MMD2: variants seen among roughly 807,000 people sequenced by gnomAD.
MMD2 encodes monocyte to macrophage differentiation factor 2.
In MMD2, 30 loss-of-function variants were observed where a neutral mutation model predicts 33.5. That is an observed-to-expected ratio of 0.90 (90% CI 0.67 to 1.22). The LOEUF (loss-of-function observed/expected upper bound fraction) is 1.22, where lower values mean the gene tolerates loss of function less well. Among genes scored for constraint, MMD2 ranks in the 50% most tolerant of loss-of-function variants. The probability of loss-of-function intolerance (pLI) is 0.00; values close to 1 mark genes in which losing one functional copy is unlikely to be tolerated. For synonymous variants in MMD2, 129 were observed against 123.0 expected (o/e 1.05, Z -0.32); for missense variants, 364 against 325.4 (o/e 1.12, Z -0.91).
Position 4,915,549 on chromosome 7 carries a change from G to A in MMD2, c.365+456C>T, listed in dbSNP as rs369841300. Among the ~76,000 whole-genome samples, 5 of 152,058 alleles carry A rather than the reference G, an allele frequency of 3.3e-5. No individual in the cohort carries two copies. The South Asian group carries it at 8.3e-4, about 25-fold the overall frequency. On this transcript the variant is annotated intron_variant, in intron 4 of 6. Coordinates refer to ENST00000401401, the MANE Select transcript of MMD2 (RefSeq NM_198403.4). Reference sequence around the variant, plus strand: ...GAGGTTAGGAGTTCGAGAGCAGCCTGGCCAACATGGTGAAACCCCGTCTCT... The same window carrying A: ...GAGGTTAGGAGTTCGAGAGCAGCCTAGCCAACATGGTGAAACCCCGTCTCT...
rs369103885 is a variant in MMD2, at chr7:4,913,000, G to T, written c.366-1754C>A. Among the ~76,000 whole-genome samples the T allele has an allele frequency of 1.1e-3, 164 of 152,288 alleles. 1 individual carries two copies. The highest frequency in any genetic ancestry group is 3.8e-3 in the African/African-American group (159 of 41,570). The stretch of plus-strand genomic sequence containing the variant: ...ATTACAGGCGTGAGCCACGCGCCTG[G>T]CCTGGAATGAATTTCTGAAATGAGA... On this transcript the variant is annotated intron_variant, in intron 4 of 6. Transcript: ENST00000401401.
rs10951715 is a variant in MMD2, at chr7:4,907,342, A to C, written c.*54T>G. 6.4e-7 allele frequency: 1 copy of C among 1,573,068 alleles called. No homozygotes were observed. The highest frequency in any genetic ancestry group is 1.4e-5 in the African/African-American group (1 of 73,978). ...GGCGCTGTGCTCTGGGTTAACGTTC[A>C]CAGAAACGTGCTCCACTCCTAAAGC... On this transcript the variant is annotated 3_prime_UTR_variant, in exon 7 of 7. Transcript: ENST00000401401.
At chr7:4,939,746 T>G (rs2942558) in intron 1 of MMD2, among the ~76,000 whole-genome samples, 8 of 129,414 alleles carry the variant, frequency 6.2e-5, no homozygotes, top group Non-Finnish European at 1.3e-4. Context: ...TTCTTTCTTT[T>G]TTTTTTTTTT....
chr7:4,930,577 G>A lies in MMD2; in HGVS notation c.48-5045C>T, dbSNP rs190186269. On this transcript the variant is annotated intron_variant, in intron 1 of 6. Coordinates refer to ENST00000401401, the MANE Select transcript of MMD2 (RefSeq NM_198403.4). Reference sequence around the variant, plus strand: ...GAGAATCGCTTGAACCTGGGAGGCGGAGGTTGTGCTGAGCCAAGATCGTGC... The same window carrying A: ...GAGAATCGCTTGAACCTGGGAGGCGAAGGTTGTGCTGAGCCAAGATCGTGC... Among the ~76,000 whole-genome samples, 952 of 150,690 alleles carry A rather than the reference G, an allele frequency of 6.3e-3. 9 individuals are homozygous for A. The highest frequency in any genetic ancestry group is 0.022 in the African/African-American group (911 of 40,830).
At chr7:4,944,614 A>C (rs1785999925) in intron 1 of MMD2, among the ~76,000 whole-genome samples, 1 of 152,192 alleles carries the variant, frequency 6.6e-6, no homozygotes, top group East Asian at 1.9e-4. Context: ...GCCAGTGGCC[A>C]TGGGTCCAGT....
chr7:4,907,804 A>AC (rs1448615060), intron 6 of MMD2, among the ~76,000 whole-genome samples: 2 of 152,008 alleles, frequency 1.3e-5, no homozygotes, highest in African/African-American at 4.8e-5. Flanking sequence ...TTCTATTAAA[A>AC]CTTCACCAAT....
At position 4,959,160 on chromosome 7, in the gene MMD2, G is replaced by A. The variant is rs183424925; in HGVS notation, c.-143C>T. 1.7e-6 allele frequency: 1 copy of A among 585,740 alleles called. No individual in the cohort carries two copies. Among genetic ancestry groups the A allele is most frequent in the Non-Finnish European group, 2.4e-6 (1 of 409,444 alleles). 36.3% of individuals were successfully genotyped at this position (585,740 alleles called of 1,614,324 possible). On this transcript the variant is annotated 5_prime_UTR_variant, in exon 1 of 7. Coordinates refer to ENST00000401401, the MANE Select transcript of MMD2 (RefSeq NM_198403.4). The stretch of plus-strand genomic sequence containing the variant: ...CTGGTCGGCGCCCGGAGCCGGAGCC[G>A]GAGCCCGAGCCGGAGCTGGAGGCGC...
chr7:4,910,052 A>G, intron 5 of MMD2, 102 bp from the exon 6 acceptor site: 1 of 1,611,702 alleles, frequency 6.2e-7, no homozygotes. Flanking sequence ...TCTGGCCAGA[A>G]CAGTGAGAAG....
rs768625268 is a variant in MMD2 at position 4,916,052 on chromosome 7, G to A, written c.318C>T (p.Phe106=). The A allele has an allele frequency of 1.1e-5, 18 of 1,613,714 alleles. No individual in the cohort carries two copies. Among genetic ancestry groups the A allele is most frequent in the Non-Finnish European group, 1.4e-5 (17 of 1,179,852 alleles). ...LRMVEHCLHM[F]DRMVIYFFIA... ...TGAAGAAATAGATGACCATCCGGTC[G>A]AACATGTGTAGACAGTGTTCCACCA... Residue 106 remains phenylalanine, a synonymous_variant, in exon 4 of 7, where the codon TTC becomes TTT. Coordinates refer to ENST00000401401, the MANE Select transcript of MMD2 (RefSeq NM_198403.4).
rs1356636782 is a variant in MMD2, at chr7:4,916,027, T to C, written c.343A>G (p.Ile115Val). Reference sequence around the variant, plus strand: ...CACCAGGGTGCGTAGGAAGCCGCTATGAAGAAATAGATGACCATCCGGTCG... The same window carrying C: ...CACCAGGGTGCGTAGGAAGCCGCTACGAAGAAATAGATGACCATCCGGTCG... The part of the protein sequence containing the change: ...MFDRMVIYFF[I>V]AASYAPWLNL... The change falls in exon 4 of 7, where the codon ATA becomes GTA. Residue 115 changes from isoleucine (I) to valine (V), a missense_variant. Physicochemically the swap from Ile to Val is conservative, Grantham distance 29. Transcript: ENST00000401401. 2 of 1,613,878 alleles carry C rather than the reference T, an allele frequency of 1.2e-6. No homozygotes were observed. Among genetic ancestry groups the C allele is most frequent in the East Asian group, 4.5e-5 (2 of 44,862 alleles).
intron 1 of MMD2, among the ~76,000 whole-genome samples, chr7:4,935,288 G>A (rs7806369): frequency 0.14 from 20,917 of 151,940 alleles, 1,759 homozygotes; most frequent in Admixed American, 0.22. Context: ...GGAGGTCGAC[G>A]CTGCAGTGAG....
chr7:4,943,395 A>T (rs958753512), intron 1 of MMD2, among the ~76,000 whole-genome samples: 1 of 152,028 alleles, frequency 6.6e-6, no homozygotes, highest in African/African-American at 2.4e-5. Context: ...CACCTGCCTC[A>T]GCCTCCCAAA....
chr7:4,920,628 T>C (rs1375522503), intron 2 of MMD2, among the ~76,000 whole-genome samples: 2 of 150,084 alleles, frequency 1.3e-5, no homozygotes, highest in Non-Finnish European at 3.0e-5. Context: ...TCCTTTCCTT[T>C]TTTTCTTTTC....
chr7:4,950,421 C>A (rs1018071834), intron 1 of MMD2, among the ~76,000 whole-genome samples: 3 of 151,992 alleles, frequency 2.0e-5, no homozygotes. Flanking sequence ...CTTATACCAC[C>A]GTCACCACCA....
At chr7:4,929,178 G>A (rs1327082250) in intron 1 of MMD2, among the ~76,000 whole-genome samples, 1 of 152,058 alleles carries the variant, frequency 6.6e-6, no homozygotes, top group Non-Finnish European at 1.5e-5. Context: ...ATCCAGCTGG[G>A]ACTCCATGGT....
At chr7:4,929,012 G>A (rs1304370413) in intron 1 of MMD2, among the ~76,000 whole-genome samples, 2 of 152,180 alleles carry the variant, frequency 1.3e-5, no homozygotes, top group African/African-American at 2.4e-5. Context: ...GGAGCATATT[G>A]TGTATGCTGG....
chr7:4,908,846 G>A (rs530215903), intron 6 of MMD2, among the ~76,000 whole-genome samples: 12 of 150,160 alleles, frequency 8.0e-5, no homozygotes, highest in Admixed American at 2.7e-4. Flanking sequence ...GCAGTAAGCC[G>A]AGATCGTGCC....
intron 1 of MMD2, among the ~76,000 whole-genome samples, chr7:4,930,780 G>A (rs1403591882): frequency 6.6e-6 from 1 of 152,202 alleles, no homozygotes; most frequent in African/African-American, 2.4e-5. Context: ...AGCCGCTGCT[G>A]TGTCGTCACC....
intron 1 of MMD2, among the ~76,000 whole-genome samples, chr7:4,958,027 C>A (rs1301844884): frequency 1.3e-5 from 2 of 152,178 alleles, no homozygotes; most frequent in African/African-American, 4.8e-5. Flanking sequence ...ATCTCCCACT[C>A]ACCACCCACT....
Sources: gnomAD v4.1 joint callset for allele counts (sites outside exome capture counted in the v4.1 genomes callset) on GRCh38, gnomAD v4.1.1 for gene constraint, MANE v1.5 for transcripts, NCBI Gene and HGNC (gene_info 2026-07-23, HGNC 2026-07-21) for gene names.